Variants in PDCD1 observed in about 807,000 individuals in gnomAD.
PDCD1 encodes the protein programmed cell death 1, also known as programmed cell death protein 1.
A neutral mutation model predicts 23.6 loss-of-function variants in PDCD1; 10 were observed. That is an observed-to-expected ratio of 0.42 (90% confidence interval 0.26 to 0.72). PDCD1 has a LOEUF of 0.72. PDCD1 is among the 30% of genes least tolerant of loss of function. The pLI, the probability that PDCD1 is intolerant of heterozygous loss-of-function variation, is 0.24. For missense variants in PDCD1, 313 were observed against 397.8 expected, an observed-to-expected ratio of 0.79 and a Z score of 1.81; for synonymous variants, 168 against 169.3, an observed-to-expected ratio of 0.99 and a Z score of 0.06.
At chr2:241,851,833 C>T in intron 4 of PDCD1, 116 bp downstream of exon 4, 1 of 1,065,946 alleles carries the variant, frequency 9.4e-7, no homozygotes, top group Non-Finnish European at 1.5e-6. Context: ...GAGGTGGGGT[C>T]CTGGCTATAA....
chr2:241,850,810 C>G lies in PDCD1; in HGVS notation c.*248G>C, dbSNP rs1040010870. ...GTGCTGGCAGGACCTGAAGCAGTGA[C>G]TGCATCTGGCCCTCCCTGTAGGGGA... On this transcript the variant is annotated 3_prime_UTR_variant, in exon 5 of 5. Coordinates refer to ENST00000334409, the MANE Select transcript of PDCD1 (RefSeq NM_005018.3). 28 of 625,098 alleles carry G rather than the reference C, an allele frequency of 4.5e-5. No homozygotes were observed. The highest frequency in any genetic ancestry group is 7.9e-5 in the Admixed American group (3 of 38,114). 38.7% of individuals were successfully genotyped at this position (625,098 alleles called of 1,614,324 possible).
intron 1 of PDCD1, among the ~76,000 whole-genome samples, chr2:241,857,706 G>A (rs41483645): frequency 0.023 from 3,434 of 152,304 alleles, 111 homozygotes; most frequent in African/African-American, 0.078. Flanking sequence ...AGCAGGCCCC[G>A]GGAGAGGGGC....
chr2:241,857,537 C>CA (rs142194983), intron 1 of PDCD1, among the ~76,000 whole-genome samples: 7,602 of 152,260 alleles, frequency 0.05, 1,019 homozygotes, highest in East Asian at 0.49. Flanking sequence ...CTGGTTCCCC[C>CA]GCAGTCGTCT....
rs1030826910 is a variant in PDCD1, at chr2:241,856,361, G to A, written c.76+2402C>T. 1.1e-4 allele frequency among the ~76,000 whole-genome samples: 17 copies of A among 152,238 alleles called. No individual in the cohort carries two copies. The East Asian group carries it at 1.2e-3, about 10-fold the overall frequency. On this transcript the variant is annotated intron_variant, in intron 1 of 4. Coordinates refer to ENST00000334409, the MANE Select transcript of PDCD1 (RefSeq NM_005018.3). ...GGCTCTGTTTAAAAGCCACTCGGTC[G>A]GCGGAGCTTTGTCATGGCAGCTCCA...
chr2:241,854,337 CA>C (rs1335845926), intron 1 of PDCD1, among the ~76,000 whole-genome samples: 1 of 152,252 alleles, frequency 6.6e-6, no homozygotes, highest in Admixed American at 6.5e-5. Flanking sequence ...GCCAGCTACA[CA>C]AGGGGCTGCT....
At position 241,858,890 on chromosome 2, in the gene PDCD1, T is replaced by TGAGCGGAAGGGAA; in HGVS notation, c.-53_-52insTTCCCTTCCGCTC. On this transcript the variant is annotated 5_prime_UTR_variant, in exon 1 of 5. Coordinates refer to ENST00000334409, the MANE Select transcript of PDCD1 (RefSeq NM_005018.3). ...GCCTTCTCCACTGCTCAGGCGGAGGTGAGCGGAAGGGAAACTGTCCCAGGT... is the reference window on the plus strand; with the variant it reads ...GCCTTCTCCACTGCTCAGGCGGAGGTGAGCGGAAGGGAAGAGCGGAAGGGAAACTGTCCCAGGT... The TGAGCGGAAGGGAA allele has an allele frequency of 6.7e-7, 1 of 1,482,442 alleles. No individual in the cohort carries two copies. The highest frequency in any genetic ancestry group is 9.2e-7 in the Non-Finnish European group (1 of 1,086,994). 91.8% of individuals were successfully genotyped at this position (1,482,442 alleles called of 1,614,324 possible).
At chr2:241,856,374 C>T (rs1203150821) in intron 1 of PDCD1, among the ~76,000 whole-genome samples, 1 of 152,246 alleles carries the variant, frequency 6.6e-6, no homozygotes, top group Non-Finnish European at 1.5e-5. Context: ...GGAGCTTTGT[C>T]ATGGCAGCTC....
Position 241,850,896 on chromosome 2 carries a change from T to C in PDCD1, c.*162A>G. On this transcript the variant is annotated 3_prime_UTR_variant, in exon 5 of 5. Coordinates refer to ENST00000334409, the MANE Select transcript of PDCD1 (RefSeq NM_005018.3). The stretch of plus-strand genomic sequence containing the variant: ...TGAGACATGAGTCCTGTGGTGGGGC[T>C]GTGCCTGGTGCAGGTGCAGGCTGGA... The C allele has an allele frequency of 1.2e-6, 1 of 821,460 alleles. No individual in the cohort carries two copies. Among genetic ancestry groups the C allele is most frequent in the South Asian group, 1.8e-5 (1 of 56,588 alleles). The allele number at this position is 821,460 out of a possible 1,614,324, so 50.9% of individuals were successfully genotyped here.
At chr2:241,855,058 C>T (rs906312875) in intron 1 of PDCD1, among the ~76,000 whole-genome samples, 6 of 152,230 alleles carry the variant, frequency 3.9e-5, no homozygotes, top group Non-Finnish European at 5.9e-5. Flanking sequence ...CTTTTCCTGT[C>T]TGGCTTGCAC....
intron 1 of PDCD1, among the ~76,000 whole-genome samples, chr2:241,854,284 C>T (rs1008044141): frequency 1.3e-5 from 2 of 152,236 alleles, no homozygotes; most frequent in Non-Finnish European, 2.9e-5. Context: ...CGTGCCTGTC[C>T]CCCAGCTTCC....
intron 1 of PDCD1, among the ~76,000 whole-genome samples, chr2:241,855,615 T>G (rs1290950712): frequency 6.6e-6 from 1 of 151,924 alleles, no homozygotes; most frequent in African/African-American, 2.4e-5. Flanking sequence ...GAGGTGGCGG[T>G]GGGGGTGCTC....
At chr2:241,854,643 TGGGTGGACTCGGCACAGAGCAG>T (rs1384644733) in intron 1 of PDCD1, among the ~76,000 whole-genome samples, 3 of 152,074 alleles carry the variant, frequency 2.0e-5, no homozygotes, top group Non-Finnish European at 4.4e-5. Flanking sequence ...AGGCTGGGGC[TGGGTGGACTCGGCACAGAGCAG>T]GGGAAATGCC....
chr2:241,851,356 C>T (rs190569165), intron 4 of PDCD1, 59 bp from the exon 5 acceptor site: 45 of 1,539,456 alleles, frequency 2.9e-5, no homozygotes, highest in African/African-American at 8.2e-5. Context: ...AGGAGGCCCG[C>T]GGCTCCACAG....
At chr2:241,852,097 A>AG (rs1700914483) in intron 3 of PDCD1, 101 bp downstream of exon 3, 8 of 312,780 alleles carry the variant, frequency 2.6e-5, no homozygotes, top group East Asian at 2.4e-4. Flanking sequence ...AGATGGGGGG[A>AG]GGTGGGGTGG....
chr2:241,851,859 G>T, intron 4 of PDCD1, 90 bp downstream of exon 4: 2 of 1,232,552 alleles, frequency 1.6e-6, no homozygotes, highest in Non-Finnish European at 2.4e-6. Context: ...TGTGAGTCCT[G>T]CAGGCCGTGT....
At chr2:241,851,812 T>TG in intron 4 of PDCD1, 137 bp downstream of exon 4, 1 of 907,098 alleles carries the variant, frequency 1.1e-6, no homozygotes, top group Admixed American at 1.9e-5. Flanking sequence ...GGTTGCTGCC[T>TG]GGGGGCTGGG....
chr2:241,856,748 C>T (rs1701035692), intron 1 of PDCD1, among the ~76,000 whole-genome samples: 1 of 151,034 alleles, frequency 6.6e-6, no homozygotes, highest in Admixed American at 6.6e-5. Flanking sequence ...TGCTTGAGCC[C>T]CGGAGGTCGA....
chr2:241,852,808 G>A lies in PDCD1; in HGVS notation c.249C>T (p.Pro83=), dbSNP rs55804130. The change falls in exon 2 of 5, where the codon CCC becomes CCT. Residue 83 remains proline, a synonymous_variant. Coordinates refer to ENST00000334409, the MANE Select transcript of PDCD1 (RefSeq NM_005018.3). Reference sequence around the variant, plus strand: ...CCTGGCCGGGCTGGCTGCGGTCCTCGGGGAAGGCGGCCAGCTTGTCCGTCT... The same window carrying A: ...CCTGGCCGGGCTGGCTGCGGTCCTCAGGGAAGGCGGCCAGCTTGTCCGTCT... The part of the protein sequence containing the change: ...SNQTDKLAAF[P]EDRSQPGQDC... The A allele has an allele frequency of 2.0e-5, 32 of 1,613,070 alleles. No homozygotes were observed. Among genetic ancestry groups the A allele is most frequent in the Non-Finnish European group, 2.5e-5 (30 of 1,180,016 alleles).
intron 1 of PDCD1, 43 bp from the exon 2 acceptor site, chr2:241,853,023 C>G: frequency 6.6e-7 from 1 of 1,522,008 alleles, no homozygotes; most frequent in Non-Finnish European, 8.8e-7. Context: ...GGTGGCCCCA[C>G]AAAGCCTCCC....
Sources: allele counts gnomAD v4.1 joint callset (sites outside exome capture counted in the v4.1 genomes callset), GRCh38; gene constraint gnomAD v4.1.1; transcripts MANE v1.5; gene names NCBI Gene and HGNC (gene_info 2026-07-23, HGNC 2026-07-21).